The following KCTD8 variants were observed in gnomAD, a reference collection of about 807,000 sequenced individuals.
The protein encoded by KCTD8 is potassium channel tetramerization domain containing 8.
Under a neutral mutation model 31.5 loss-of-function variants are expected in KCTD8, and 27 were observed. The ratio of observed to expected loss-of-function variants is 0.86; its 90% CI spans 0.63 to 1.18. The LOEUF (loss-of-function observed/expected upper bound fraction) is 1.18, where lower values mean the gene tolerates loss of function less well. KCTD8 is among the 50% of genes most tolerant of loss of function. The probability of loss-of-function intolerance (pLI) is 0.00; values close to 1 mark genes in which losing one functional copy is unlikely to be tolerated. For missense variants in KCTD8, 658 were observed against 647.7 expected (o/e 1.02, Z -0.17); for synonymous variants, 290 against 280.0 (o/e 1.04, Z -0.36).
chr4:44,346,095 T>G (rs1286019392), intron 1 of KCTD8, among the ~76,000 whole-genome samples: 2 of 152,194 alleles, frequency 1.3e-5, no homozygotes, highest in Non-Finnish European at 2.9e-5. Flanking sequence ...TTGTTAGATC[T>G]GCATTTGAAT....
chr4:44,310,582 A>AT (rs1383523246), intron 1 of KCTD8, among the ~76,000 whole-genome samples: 2 of 152,066 alleles, frequency 1.3e-5, no homozygotes, highest in East Asian at 3.9e-4. Context: ...TTTACTATAA[A>AT]AGTTTATGCT....
chr4:44,223,115 G>A (rs1271260535), intron 1 of KCTD8, among the ~76,000 whole-genome samples: 2 of 152,220 alleles, frequency 1.3e-5, no homozygotes, highest in Non-Finnish European at 2.9e-5. Context: ...GAGTGAAATA[G>A]ATGGATTTTT....
chr4:44,236,547 T>C (rs61543410), intron 1 of KCTD8, among the ~76,000 whole-genome samples: 8,136 of 152,146 alleles, frequency 0.053, 738 homozygotes, highest in African/African-American at 0.19. Context: ...TTATTGCCTA[T>C]ATAAACATGT....
At chr4:44,434,886 T>C (rs1018773438) in intron 1 of KCTD8, among the ~76,000 whole-genome samples, 4 of 151,916 alleles carry the variant, frequency 2.6e-5, no homozygotes, top group Non-Finnish European at 5.9e-5. Context: ...AGTCACCTAG[T>C]AATTGCTGTC....
chr4:44,174,568 C>T lies in KCTD8; in HGVS notation c.*222G>A. 3 of 425,342 alleles carry T rather than the reference C, an allele frequency of 7.1e-6. No individual in the cohort carries two copies. Among genetic ancestry groups the T allele is most frequent in the Admixed American group, 4.0e-5 (1 of 24,934 alleles). 26.3% of individuals were successfully genotyped at this position (425,342 alleles called of 1,614,324 possible). ...GTAAAATGGTTTGAATCAGATATTC[C>T]ATTTTGATTTAACACTTATTGATTT... is the stretch of plus-strand genomic sequence containing the variant. On this transcript the variant is annotated 3_prime_UTR_variant, in exon 2 of 2. Transcript: ENST00000360029.
intron 1 of KCTD8, among the ~76,000 whole-genome samples, chr4:44,411,583 C>T (rs1374109025): frequency 2.0e-5 from 3 of 151,450 alleles, no homozygotes; most frequent in African/African-American, 4.9e-5. Flanking sequence ...ATTTTGTCTC[C>T]CCAAAATAAT....
chr4:44,261,671 G>A (rs916124893), intron 1 of KCTD8, among the ~76,000 whole-genome samples: 4 of 151,842 alleles, frequency 2.6e-5, no homozygotes, highest in Non-Finnish European at 5.9e-5. Flanking sequence ...CCATAAATAA[G>A]TGAGATCATA....
intron 1 of KCTD8, among the ~76,000 whole-genome samples, chr4:44,234,748 C>T (rs903450524): frequency 2.6e-5 from 4 of 152,108 alleles, no homozygotes; most frequent in African/African-American, 9.7e-5. Flanking sequence ...GAAACAGCAG[C>T]GAATATTATA....
intron 1 of KCTD8, among the ~76,000 whole-genome samples, chr4:44,354,317 C>A (rs1161966070): frequency 6.6e-6 from 1 of 152,114 alleles, no homozygotes; most frequent in Non-Finnish European, 1.5e-5. Context: ...ACTACATTTC[C>A]AGCTAGTTTG....
intron 1 of KCTD8, among the ~76,000 whole-genome samples, chr4:44,367,930 C>A (rs1719685530): frequency 6.6e-6 from 1 of 151,010 alleles, no homozygotes; most frequent in South Asian, 2.1e-4. Flanking sequence ...TTCAAAAAAT[C>A]TTTTGTTTGC....
At chr4:44,219,738 G>T (rs1714752860) in intron 1 of KCTD8, among the ~76,000 whole-genome samples, 1 of 152,120 alleles carries the variant, frequency 6.6e-6, no homozygotes, top group African/African-American at 2.4e-5. Context: ...GTAACTCTAG[G>T]ATACTAATGA....
intron 1 of KCTD8, among the ~76,000 whole-genome samples, chr4:44,184,917 A>G (rs1001530974): frequency 3.3e-5 from 5 of 152,196 alleles, no homozygotes; most frequent in African/African-American, 1.2e-4. Flanking sequence ...TGTATTACTC[A>G]GACAGTTCAG....
At chr4:44,400,989 A>C in intron 1 of KCTD8, among the ~76,000 whole-genome samples, 1 of 147,574 alleles carries the variant, frequency 6.8e-6, no homozygotes, top group African/African-American at 2.5e-5. Context: ...GGTGCACACT[A>C]CCATGATGGC....
At chr4:44,176,887 C>CTATT (rs1319635742) in intron 1 of KCTD8, among the ~76,000 whole-genome samples, 1 of 151,976 alleles carries the variant, frequency 6.6e-6, no homozygotes, top group Non-Finnish European at 1.5e-5. Flanking sequence ...ATCTATCTAT[C>CTATT]TATCTATCTA....
intron 1 of KCTD8, among the ~76,000 whole-genome samples, chr4:44,227,762 C>T (rs1715007085): frequency 6.6e-6 from 1 of 152,116 alleles, no homozygotes; most frequent in African/African-American, 2.4e-5. Context: ...TGATTCTTTC[C>T]TTTCCCTCAC....
intron 1 of KCTD8, among the ~76,000 whole-genome samples, chr4:44,227,938 C>A (rs532680328): frequency 6.6e-6 from 1 of 152,290 alleles, no homozygotes; most frequent in Admixed American, 6.5e-5. Flanking sequence ...AAAGACTTTT[C>A]TGCACAAAGC....
At chr4:44,397,324 C>T (rs1413529010) in intron 1 of KCTD8, among the ~76,000 whole-genome samples, 2 of 151,958 alleles carry the variant, frequency 1.3e-5, no homozygotes, top group Non-Finnish European at 2.9e-5. Context: ...ATATTGAGCC[C>T]ATTTCTCTAA....
chr4:44,252,791 T>C (rs537159842), intron 1 of KCTD8, among the ~76,000 whole-genome samples: 53 of 151,876 alleles, frequency 3.5e-4, no homozygotes, highest in Non-Finnish European at 5.8e-4. Context: ...AAATGTCTTA[T>C]GCTTTTCTTT....
intron 1 of KCTD8, among the ~76,000 whole-genome samples, chr4:44,253,835 T>C (rs1352117218): frequency 6.6e-6 from 1 of 151,886 alleles, no homozygotes; most frequent in Non-Finnish European, 1.5e-5. Context: ...GAATTTTTGT[T>C]ACATAGCAAT....
Sources: allele counts gnomAD v4.1 joint callset (sites outside exome capture counted in the v4.1 genomes callset), GRCh38; gene constraint gnomAD v4.1.1; transcripts MANE v1.5; gene names NCBI Gene and HGNC (gene_info 2026-07-23, HGNC 2026-07-21).